B3GALT1: variants seen among roughly 807,000 people sequenced by gnomAD.
B3GALT1 encodes the protein beta-1,3-galactosyltransferase 1.
B3GALT1 carries 10 observed loss-of-function variants against 23.2 expected under a neutral mutation model. The observed-to-expected ratio is 0.43, with a 90% CI of 0.27 to 0.73. The LOEUF (loss-of-function observed/expected upper bound fraction) is 0.73, where lower values mean the gene tolerates loss of function less well. Ranked by LOEUF, B3GALT1 falls within the 30% of genes least tolerant of loss-of-function variation. The probability of loss-of-function intolerance (pLI) is 0.21; values close to 1 mark genes in which losing one functional copy is unlikely to be tolerated. For synonymous variants in B3GALT1, 156 were observed against 141.5 expected (o/e 1.10, Z -0.73); for missense variants, 299 against 405.4 (o/e 0.74, Z 2.25).
At chr2:167,715,638 C>A (rs1418964089) in intron 3 of B3GALT1, 1 of 1,613,712 alleles carries the variant, frequency 6.2e-7, no homozygotes, top group Non-Finnish European at 8.5e-7. Flanking sequence ...AGGATTTCAT[C>A]CTCAAGTTCA....
At chr2:167,788,782 C>T (rs529464918) in intron 3 of B3GALT1, among the ~76,000 whole-genome samples, 2 of 152,128 alleles carry the variant, frequency 1.3e-5, no homozygotes, top group South Asian at 4.1e-4. Context: ...TTCTAATGTC[C>T]CAAAGTGACC....
At chr2:167,544,275 A>G (rs1683587917) in intron 2 of B3GALT1, among the ~76,000 whole-genome samples, 2 of 152,086 alleles carry the variant, frequency 1.3e-5, no homozygotes, top group Non-Finnish European at 2.9e-5. Flanking sequence ...AATGTTCAAG[A>G]AAAGGACAAT....
chr2:167,549,812 T>A (rs1456006099), intron 2 of B3GALT1, among the ~76,000 whole-genome samples: 1 of 152,238 alleles, frequency 6.6e-6, no homozygotes, highest in Non-Finnish European at 1.5e-5. Flanking sequence ...CATGTAATTT[T>A]ATTTTTATTT....
Position 167,596,879 on chromosome 2 carries a change from T to A in B3GALT1, c.-409-50030T>A, listed in dbSNP as rs573527320. On this transcript the variant is annotated intron_variant, in intron 2 of 4. Transcript: ENST00000392690. The stretch of plus-strand genomic sequence containing the variant: ...TGAATTAAATGGCATAAGTAGAAAT[T>A]TTTTGCTAATTATAGATTACACAAA... Among the ~76,000 whole-genome samples the A allele has an allele frequency of 3.3e-5, 5 of 152,266 alleles. No individual in the cohort carries two copies. The South Asian group carries it at 1.0e-3, about 31-fold the overall frequency.
chr2:167,361,041 A>C (rs948074080), intron 1 of B3GALT1, among the ~76,000 whole-genome samples: 2 of 152,140 alleles, frequency 1.3e-5, no homozygotes, highest in Admixed American at 1.3e-4. Context: ...ACAGGATTTC[A>C]TTCTTTTATG....
At chr2:167,331,105 A>T (rs147134281) in intron 1 of B3GALT1, among the ~76,000 whole-genome samples, 17 of 151,898 alleles carry the variant, frequency 1.1e-4, no homozygotes. Context: ...TTGGGGGGGT[A>T]TGTAAATAGC....
chr2:167,828,164 T>C (rs1689268345), intron 4 of B3GALT1, among the ~76,000 whole-genome samples: 1 of 152,182 alleles, frequency 6.6e-6, no homozygotes, highest in African/African-American at 2.4e-5. Context: ...AAGTGGATGC[T>C]CTACAGTTGT....
At chr2:167,442,809 C>G (rs1469627790) in intron 1 of B3GALT1, among the ~76,000 whole-genome samples, 1 of 145,888 alleles carries the variant, frequency 6.9e-6, no homozygotes, top group Non-Finnish European at 1.5e-5. Flanking sequence ...CGAAAATTTT[C>G]TTCCATTTTG....
intron 2 of B3GALT1, among the ~76,000 whole-genome samples, chr2:167,623,815 CA>C (rs1443822767): frequency 2.0e-5 from 3 of 151,958 alleles, no homozygotes; most frequent in Non-Finnish European, 4.4e-5. Flanking sequence ...AATTGAATGG[CA>C]ACTGTGAATA....
rs190467981 is a variant in B3GALT1, at chr2:167,750,658, G to A, written c.-351-68014G>A. Among the ~76,000 whole-genome samples the A allele has an allele frequency of 2.8e-3, 416 of 150,948 alleles. 3 individuals carry two copies. Among genetic ancestry groups the A allele is most frequent in the African/African-American group, 9.5e-3 (389 of 41,012 alleles). On this transcript the variant is annotated intron_variant, in intron 3 of 4. Coordinates refer to ENST00000392690, the MANE Select transcript of B3GALT1 (RefSeq NM_020981.4). ...TAATCATGAAAGTCCTTTGGTTCACGGTTCACAACCTTTTCATAGACAGAT... is the reference window on the plus strand; with the variant it reads ...TAATCATGAAAGTCCTTTGGTTCACAGTTCACAACCTTTTCATAGACAGAT...
At chr2:167,544,154 T>C (rs911366628) in intron 2 of B3GALT1, among the ~76,000 whole-genome samples, 1 of 152,132 alleles carries the variant, frequency 6.6e-6, no homozygotes, top group African/African-American at 2.4e-5. Context: ...CAGACCTGGG[T>C]CACATGAAGA....
Position 167,870,221 on chromosome 2 carries a change from G to A in B3GALT1, c.*201G>A, listed in dbSNP as rs995317269. ...TAGAAACAATAAATGAGTTAGAAGGGCCAGATTTCATTCTCAGTCCCAGAG... is the reference window on the plus strand; with the variant it reads ...TAGAAACAATAAATGAGTTAGAAGGACCAGATTTCATTCTCAGTCCCAGAG... On this transcript the variant is annotated 3_prime_UTR_variant, in exon 5 of 5. Transcript: ENST00000392690. 5.8e-6 allele frequency: 3 copies of A among 517,306 alleles called. No homozygotes were observed. The highest frequency in any genetic ancestry group is 4.1e-5 in the South Asian group (1 of 24,432). 32.0% of individuals were successfully genotyped at this position (517,306 alleles called of 1,614,324 possible). A position where few individuals can be genotyped will look rare whatever the true frequency, so the allele number is the denominator to read the frequency against.
rs575276618 is a variant in B3GALT1, at chr2:167,406,027, A to AT, written c.-510-84140dup. Among the ~76,000 whole-genome samples, 1,096 of 150,478 alleles carry AT rather than the reference A, an allele frequency of 7.3e-3. 13 individuals carry two copies. Among genetic ancestry groups the AT allele is most frequent in the African/African-American group, 0.023 (941 of 41,120 alleles). On this transcript the variant is annotated intron_variant, in intron 1 of 4. Coordinates refer to ENST00000392690, the MANE Select transcript of B3GALT1 (RefSeq NM_020981.4). ...GTAAGGATAGATGGTATTTGGGGAA[A>AT]TTTTTTTTTTAAGTTTTAACATAAT...
At chr2:167,488,419 CACTGCCAT>C (rs1699656541) in intron 1 of B3GALT1, among the ~76,000 whole-genome samples, 1 of 152,178 alleles carries the variant, frequency 6.6e-6, no homozygotes, top group Non-Finnish European at 1.5e-5. Flanking sequence ...TTTTCTAGCA[CACTGCCAT>C]TGTATTAATT....
intron 1 of B3GALT1, among the ~76,000 whole-genome samples, chr2:167,435,058 A>G (rs1225875441): frequency 6.6e-6 from 1 of 152,004 alleles, no homozygotes; most frequent in Non-Finnish European, 1.5e-5. Context: ...AATGATTTTG[A>G]TAAAACCATA....
rs566719118 is a variant in B3GALT1, at chr2:167,350,320, A to G, written c.-511+56986A>G. Among the ~76,000 whole-genome samples, 6 of 152,364 alleles carry G rather than the reference A, an allele frequency of 3.9e-5. No homozygotes were observed. The East Asian group carries it at 1.2e-3, about 29-fold the overall frequency. On this transcript the variant is annotated intron_variant, in intron 1 of 4. Transcript: ENST00000392690. ...TACCCTGTGTGTTACTGAGAGGATC[A>G]ACTATGATTATATAAGGAAAGGAAC...
At chr2:167,441,254 T>C (rs1191151092) in intron 1 of B3GALT1, among the ~76,000 whole-genome samples, 1 of 152,244 alleles carries the variant, frequency 6.6e-6, no homozygotes, top group Non-Finnish European at 1.5e-5. Flanking sequence ...ACAGTATGAA[T>C]CTCTGGTAGA....
intron 3 of B3GALT1, among the ~76,000 whole-genome samples, chr2:167,664,700 A>T (rs541692979): frequency 6.6e-6 from 1 of 152,146 alleles, no homozygotes; most frequent in South Asian, 2.1e-4. Context: ...TTGGATTCCT[A>T]GGTATTTTAT....
At chr2:167,687,705 A>T (rs1323355889) in intron 3 of B3GALT1, among the ~76,000 whole-genome samples, 1 of 152,180 alleles carries the variant, frequency 6.6e-6, no homozygotes, top group Non-Finnish European at 1.5e-5. Context: ...TCAAAAAAAG[A>T]ATCTAGAAGT....
Sources: allele counts gnomAD v4.1 joint callset (sites outside exome capture counted in the v4.1 genomes callset), GRCh38; gene constraint gnomAD v4.1.1; transcripts MANE v1.5; gene names NCBI Gene and HGNC (gene_info 2026-07-23, HGNC 2026-07-21).